Variants in OVCH1 observed in about 807,000 individuals in gnomAD.
OVCH1 encodes the protein ovochymase 1.
OVCH1 carries 139 observed loss-of-function variants against 138.4 expected under a neutral mutation model. That is an observed-to-expected ratio of 1.00 (90% CI 0.87 to 1.16). The LOEUF is 1.16. Among genes scored for constraint, OVCH1 ranks in the 50% most tolerant of loss-of-function variants. The pLI is 0.00. For synonymous variants in OVCH1, 453 were observed against 467.8 expected, an observed-to-expected ratio of 0.97 and a Z score of 0.41; for missense variants, 1,367 against 1,357.9, an observed-to-expected ratio of 1.01 and a Z score of -0.11.
chr12:29,472,057 G>GT (rs771134866), intron 15 of OVCH1, 75 bp from the exon 16 acceptor site: 149 of 1,353,956 alleles, frequency 1.1e-4, no homozygotes, highest in Non-Finnish European at 2.3e-5. Context: ...GCTTGCCATA[G>GT]TTAACAGTAG....
chr12:29,496,268 T>A, exon 3 of OVCH1: 1 of 1,603,852 alleles, frequency 6.2e-7, no homozygotes, highest in Non-Finnish European at 8.5e-7. Flanking sequence ...CTCATCTGAT[T>A]TTAGGGAGAC....
chr12:29,433,903 A>T, intron 26 of OVCH1: 1 of 1,168,510 alleles, frequency 8.6e-7, no homozygotes, highest in South Asian at 1.7e-5. Flanking sequence ...AAAAGGTAAA[A>T]TGGGCAGTAA....
intron 22 of OVCH1, among the ~76,000 whole-genome samples, chr12:29,449,201 A>G (rs1941703531): frequency 6.6e-6 from 1 of 151,302 alleles, no homozygotes. Context: ...TTTACAATAT[A>G]TATTCTTCCA....
chr12:29,483,055 T>G (rs929306703), intron 8 of OVCH1, among the ~76,000 whole-genome samples: 1 of 152,232 alleles, frequency 6.6e-6, no homozygotes, highest in African/African-American at 2.4e-5. Flanking sequence ...CTAACTCTGT[T>G]TCTTTAGTAG....
At chr12:29,427,185 T>C (rs571291303), downstream of OVCH1, among the ~76,000 whole-genome samples, 4 of 152,332 alleles carry the variant, frequency 2.6e-5, no homozygotes, top group East Asian at 7.7e-4. Context: ...CTAGTCACTC[T>C]GACCTCTGAC....
chr12:29,470,931 T>A (rs1942485529), intron 16 of OVCH1, among the ~76,000 whole-genome samples: 1 of 152,234 alleles, frequency 6.6e-6, no homozygotes, highest in African/African-American at 2.4e-5. Flanking sequence ...TGAGATGGTA[T>A]CTCATTGTGG....
chr12:29,419,038 G>A (rs925815063), intron 3 of OVCH1, among the ~76,000 whole-genome samples: 1 of 151,654 alleles, frequency 6.6e-6, no homozygotes, highest in Non-Finnish European at 1.5e-5. Flanking sequence ...TTAGTTTTTT[G>A]TAGAGATGGA....
chr12:29,474,978 A>T, intron 14 of OVCH1, 83 bp downstream of exon 14: 1 of 1,432,602 alleles, frequency 7.0e-7, no homozygotes, highest in Non-Finnish European at 9.4e-7. Context: ...GCTATACTAC[A>T]TTGAGGTAAA....
intron 8 of OVCH1, among the ~76,000 whole-genome samples, chr12:29,482,376 C>T (rs1942963262): frequency 6.6e-6 from 1 of 152,048 alleles, no homozygotes; most frequent in Non-Finnish European, 1.5e-5. Flanking sequence ...ATAACGTGGT[C>T]TTCCCTAACC....
intron 3 of OVCH1, among the ~76,000 whole-genome samples, chr12:29,414,020 CTTTTTTTT>C (rs74937229): frequency 5.2e-5 from 2 of 38,526 alleles, no homozygotes; most frequent in Non-Finnish European, 7.4e-5. Flanking sequence ...CTCTCTCTCT[CTTTTTTTT>C]TTTTTTTTTT....
At chr12:29,442,203 C>T (rs1941503215) in intron 25 of OVCH1, among the ~76,000 whole-genome samples, 1 of 152,002 alleles carries the variant, frequency 6.6e-6, no homozygotes, top group South Asian at 2.1e-4. Context: ...TTCACAATAG[C>T]AAAGACTTGG....
intron 3 of OVCH1, among the ~76,000 whole-genome samples, chr12:29,416,825 A>G (rs1941036398): frequency 1.3e-5 from 2 of 152,220 alleles, no homozygotes; most frequent in Admixed American, 1.3e-4. Context: ...CAAAATGAAA[A>G]CACATGTCCA....
intron 19 of OVCH1, among the ~76,000 whole-genome samples, chr12:29,459,917 T>C (rs1298354570): frequency 6.6e-6 from 1 of 152,210 alleles, no homozygotes; most frequent in Non-Finnish European, 1.5e-5. Context: ...AGAAAGCACA[T>C]TATCAGGTCT....
chr12:29,492,700 A>G (rs1943304018), intron 4 of OVCH1, among the ~76,000 whole-genome samples: 1 of 152,142 alleles, frequency 6.6e-6, no homozygotes, highest in Non-Finnish European at 1.5e-5. Flanking sequence ...ATGAATCCAG[A>G]GTTTTTTAGA....
intron 16 of OVCH1, among the ~76,000 whole-genome samples, chr12:29,465,514 C>G (rs1196980805): frequency 1.3e-5 from 2 of 152,082 alleles, no homozygotes; most frequent in African/African-American, 4.8e-5. Context: ...CTTGCAAGAA[C>G]TCACTATCAG....
chr12:29,468,920 A>G (rs1459066400), intron 16 of OVCH1, among the ~76,000 whole-genome samples: 2 of 152,204 alleles, frequency 1.3e-5, no homozygotes, highest in African/African-American at 2.4e-5. Context: ...CTCCAAAAAA[A>G]TGAACCAGGG....
chr12:29,489,554 G>T (rs935940669), intron 6 of OVCH1, 66 bp downstream of exon 6: 4 of 1,469,272 alleles, frequency 2.7e-6, no homozygotes, highest in Admixed American at 5.0e-5. Flanking sequence ...GCTTCTTTTG[G>T]GGAAAGGCAG....
chr12:29,445,478 A>C (rs1941588379), intron 22 of OVCH1, 75 bp from the exon 23 acceptor site: 1 of 1,395,556 alleles, frequency 7.2e-7, no homozygotes, highest in Non-Finnish European at 9.8e-7. Context: ...TAGGCCGAGC[A>C]ATTAATTTAA....
intron 19 of OVCH1, among the ~76,000 whole-genome samples, chr12:29,459,567 A>G (rs1226113313): frequency 6.6e-6 from 1 of 152,188 alleles, no homozygotes; most frequent in East Asian, 1.9e-4. Flanking sequence ...AGTATTTGAT[A>G]GCACAACAGG....
Sources: gnomAD v4.1 joint callset for allele counts (sites outside exome capture counted in the v4.1 genomes callset) on GRCh38, gnomAD v4.1.1 for gene constraint, MANE v1.5 for transcripts, NCBI Gene and HGNC (gene_info 2026-07-23, HGNC 2026-07-21) for gene names.